CNOT10: variants seen among roughly 807,000 people sequenced by gnomAD.
CNOT10 encodes CCR4-NOT transcription complex, subunit 10.
Under a neutral mutation model 94.6 loss-of-function variants are expected in CNOT10, and 30 were observed. The observed-to-expected ratio is 0.32, with a 90% CI of 0.24 to 0.43. The LOEUF (loss-of-function observed/expected upper bound fraction) is 0.43. CNOT10 is among the 20% of genes least tolerant of loss of function. The pLI is 1.00. For missense variants in CNOT10, 759 were observed against 877.2 expected, an observed-to-expected ratio of 0.87 and a Z score of 1.70; for synonymous variants, 289 against 301.6, an observed-to-expected ratio of 0.96 and a Z score of 0.43.
rs765781281 is a variant in CNOT10, at chr3:32,773,578, A to C, written c.2202A>C (p.Gln734His). Residue 734 changes from glutamine (Q) to histidine (H), a missense_variant, in exon 19 of 19, where the codon CAA becomes CAC. Gln to His is a conservative substitution (Grantham distance 24). This residue lies in a region of CNOT10 where 73 missense variants were observed against 61.0 expected (regional missense o/e 1.20). Coordinates refer to ENST00000328834, the MANE Select transcript of CNOT10 (RefSeq NM_015442.3). Reference sequence around the variant, plus strand: ...CTGTCCACCCGATCCAGCCCATCCAAATGCCGGCTTTCACCACTGTGCAGA... The same window carrying C: ...CTGTCCACCCGATCCAGCCCATCCACATGCCGGCTTTCACCACTGTGCAGA... The part of the protein sequence containing the change: ...FQPVHPIQPI[Q>H]MPAFTTVQRK 1.2e-6 allele frequency: 2 copies of C among 1,613,964 alleles called. No homozygotes were observed. Among genetic ancestry groups the C allele is most frequent in the Admixed American group, 1.7e-5 (1 of 59,956 alleles).
chr3:32,760,447 C>T (rs565765745), intron 14 of CNOT10, among the ~76,000 whole-genome samples: 9 of 151,224 alleles, frequency 6.0e-5, no homozygotes, highest in South Asian at 4.2e-4. Context: ...GCCCAGCCAA[C>T]GTGGTAAAAC....
intron 7 of CNOT10, among the ~76,000 whole-genome samples, chr3:32,718,126 G>A (rs1333508657): frequency 6.6e-6 from 1 of 151,890 alleles, no homozygotes; most frequent in Admixed American, 6.6e-5. Flanking sequence ...GAGAAAATAT[G>A]GTTAAAAATC....
intron 15 of CNOT10, among the ~76,000 whole-genome samples, chr3:32,763,438 G>T (rs1382252943): frequency 2.0e-5 from 3 of 152,016 alleles, no homozygotes; most frequent in African/African-American, 4.8e-5. Context: ...ATCACCTGAG[G>T]TCAGGAGTTC....
intron 1 of CNOT10, among the ~76,000 whole-genome samples, chr3:32,703,220 G>A (rs1697454027): frequency 6.6e-6 from 1 of 151,678 alleles, no homozygotes; most frequent in African/African-American, 2.4e-5. Flanking sequence ...CACCGTGCCT[G>A]GCAACATTAA....
Position 32,717,257 on chromosome 3 carries a change from T to G in CNOT10, c.744+20T>G. 6.6e-7 allele frequency: 1 copy of G among 1,512,874 alleles called. No homozygotes were observed. Among genetic ancestry groups the G allele is most frequent in the Admixed American group, 1.8e-5 (1 of 56,444 alleles). 93.7% of individuals were successfully genotyped at this position (1,512,874 alleles called of 1,614,324 possible). A position where few individuals can be genotyped will look rare whatever the true frequency, so the allele number is the denominator to read the frequency against. ...GGAAATGTAAGTTTCTTCTGGACTT[T>G]TGTTTTTCAATTTGTGTCTTTCTTA... On this transcript the variant is annotated intron_variant, in intron 7 of 18. Transcript: ENST00000328834.
chr3:32,698,827 C>G (rs1294101030), intron 1 of CNOT10, among the ~76,000 whole-genome samples: 2 of 152,150 alleles, frequency 1.3e-5, no homozygotes, highest in Non-Finnish European at 2.9e-5. Flanking sequence ...ACTCTGCTGC[C>G]CAGGCTGGAG....
At chr3:32,700,624 T>G (rs1697298388) in intron 1 of CNOT10, among the ~76,000 whole-genome samples, 1 of 152,234 alleles carries the variant, frequency 6.6e-6, no homozygotes, top group Non-Finnish European at 1.5e-5. Flanking sequence ...AAGGGTTTTC[T>G]TATCCCCATT....
intron 13 of CNOT10, among the ~76,000 whole-genome samples, chr3:32,740,671 G>C (rs941861266): frequency 1.3e-5 from 2 of 151,826 alleles, no homozygotes; most frequent in Non-Finnish European, 2.9e-5. Flanking sequence ...GACCATCCTA[G>C]CTAACACGGT....
intron 1 of CNOT10, among the ~76,000 whole-genome samples, chr3:32,693,847 A>G (rs1696948649): frequency 6.6e-6 from 1 of 152,114 alleles, no homozygotes; most frequent in African/African-American, 2.4e-5. Context: ...CGGCACTTAT[A>G]TTAGTCTTAT....
At position 32,764,826 on chromosome 3, in the gene CNOT10, A is replaced by G. The variant is rs368385308; in HGVS notation, c.2004+17A>G. 2 of 1,612,558 alleles carry G rather than the reference A, an allele frequency of 1.2e-6. No individual in the cohort carries two copies. Among genetic ancestry groups the G allele is most frequent in the Non-Finnish European group, 1.7e-6 (2 of 1,179,610 alleles). ...CTCCACCAGGTGAGTCCAGAGTGGG[A>G]GGAACTGAACCTTGTAAAGCAGCCA... On this transcript the variant is annotated intron_variant, in intron 17 of 18. Transcript: ENST00000328834.
intron 7 of CNOT10, 60 bp downstream of exon 7, chr3:32,717,297 A>G (rs1189748348): frequency 2.0e-6 from 2 of 987,796 alleles, no homozygotes; most frequent in Admixed American, 4.1e-5. Context: ...GACTATGGGT[A>G]TTGTCAGGTT....
At chr3:32,690,419 C>G (rs1449285261) in intron 1 of CNOT10, among the ~76,000 whole-genome samples, 2 of 152,288 alleles carry the variant, frequency 1.3e-5, no homozygotes, top group Non-Finnish European at 1.5e-5. Context: ...GGGTCTCACT[C>G]TTTCACCCAT....
intron 13 of CNOT10, among the ~76,000 whole-genome samples, chr3:32,754,875 C>T (rs1156280288): frequency 1.3e-5 from 2 of 150,128 alleles, no homozygotes; most frequent in Non-Finnish European, 3.0e-5. Flanking sequence ...TGTGGGGTAG[C>T]CCTGTTCTCC....
chr3:32,724,060 A>G (rs1050189038), intron 8 of CNOT10, among the ~76,000 whole-genome samples: 1 of 152,150 alleles, frequency 6.6e-6, no homozygotes, highest in African/African-American at 2.4e-5. Context: ...AGGCTGGGCG[A>G]TGGAATGAGA....
At chr3:32,730,958 A>G (rs1426564634) in intron 10 of CNOT10, 2 of 152,130 alleles carry the variant, frequency 1.3e-5, no homozygotes, top group Admixed American at 6.6e-5. Context: ...TTATTATTCT[A>G]CGTTTTTTAG....
intron 15 of CNOT10, 132 bp from the exon 16 acceptor site, chr3:32,764,323 C>G (rs1417265966): frequency 2.4e-6 from 2 of 842,132 alleles, no homozygotes; most frequent in South Asian, 3.6e-5. Flanking sequence ...GGCAACAGAG[C>G]GAGGCTCCAT....
intron 5 of CNOT10, among the ~76,000 whole-genome samples, chr3:32,714,405 C>CAA (rs144272055): frequency 5.5e-4 from 65 of 117,472 alleles, no homozygotes; most frequent in Middle Eastern, 4.5e-3. Flanking sequence ...TAAAGTTCTT[C>CAA]AAAAAAAAAA....
Position 32,685,227 on chromosome 3 carries a change from G to C in CNOT10, c.-234G>C. 1 of 504,058 alleles carries C rather than the reference G, an allele frequency of 2.0e-6. No individual in the cohort carries two copies. 31.2% of individuals were successfully genotyped at this position (504,058 alleles called of 1,614,324 possible). On this transcript the variant is annotated 5_prime_UTR_variant, in exon 1 of 19. Transcript: ENST00000328834. ...CGCCGTGAGGCGGAAGCTGTGTATG[G>C]CGGGAGGCTGTGGCGGTCCCTTGGT...
intron 8 of CNOT10, among the ~76,000 whole-genome samples, chr3:32,725,221 A>T (rs1243489402): frequency 6.6e-6 from 1 of 152,208 alleles, no homozygotes; most frequent in Non-Finnish European, 1.5e-5. Context: ...GTAACAAAAT[A>T]GGACTGGTTT....
Sources: gnomAD v4.1 joint callset for allele counts (sites outside exome capture counted in the v4.1 genomes callset) on GRCh38, gnomAD v4.1.1 for gene constraint, gnomAD v4.1.1 regional missense constraint, MANE v1.5 for transcripts, NCBI Gene and HGNC (gene_info 2026-07-23, HGNC 2026-07-21) for gene names.